Variants in AK2 observed in about 807,000 individuals in gnomAD.
The protein encoded by AK2 is adenylate kinase 2.
A neutral mutation model predicts 24.6 loss-of-function variants in AK2; 15 were observed. That is an observed-to-expected ratio of 0.61 (90% CI 0.41 to 0.94). The LOEUF is 0.94. Among genes scored for constraint, AK2 ranks in the 40% least tolerant of loss-of-function variants. The pLI is 0.00. For synonymous variants in AK2, 102 were observed against 114.0 expected (o/e 0.90, Z 0.67); for missense variants, 257 against 304.1 (o/e 0.85, Z 1.15).
In AK2 at chr1:33,024,462, T is replaced by C. The variant is rs771799826; in HGVS notation, c.199A>G (p.Thr67Ala). 3.7e-6 allele frequency: 6 copies of C among 1,614,078 alleles called. 1 individual carries two copies. In the Admixed American group the frequency reaches 5.0e-5, roughly 13 times the overall value. The change falls in exon 2 of 6, where the codon ACT becomes GCT. Residue 67 changes from threonine (T) to alanine (A), a missense_variant. Coordinates refer to ENST00000672715, the MANE Select transcript of AK2 (RefSeq NM_001625.4). ...GSELGKKLKATMDAGKLVSDE... is the reference protein window; with the variant it reads ...GSELGKKLKAAMDAGKLVSDE... Reference sequence around the variant, plus strand: ...CCTACCAGTTTCCCAGCATCCATAGTTGCCTTCAGCTTTTTTCCTAGCTCT... The same window carrying C: ...CCTACCAGTTTCCCAGCATCCATAGCTGCCTTCAGCTTTTTTCCTAGCTCT...
chr1:33,024,392 A>G lies in AK2; in HGVS notation c.219+50T>C, dbSNP rs763126014. 3.1e-5 allele frequency: 50 copies of G among 1,610,966 alleles called. No homozygotes were observed. In the Admixed American group the frequency reaches 8.3e-4, roughly 27 times the overall value. ...TGGTGGCTACCATATTGGACAGTGC[A>G]GATCTAGATTCTGAGGAATATCAAC... On this transcript the variant is annotated intron_variant, in intron 2 of 5. Coordinates refer to ENST00000672715, the MANE Select transcript of AK2 (RefSeq NM_001625.4).
chr1:33,023,954 T>G (rs1456072406), intron 2 of AK2, among the ~76,000 whole-genome samples: 5 of 152,148 alleles, frequency 3.3e-5, no homozygotes, highest in Non-Finnish European at 5.9e-5. Flanking sequence ...GTGGATCACC[T>G]GAGGTCAGGA....
chr1:33,028,410 G>A (rs1487338276), intron 1 of AK2, among the ~76,000 whole-genome samples: 1 of 151,812 alleles, frequency 6.6e-6, no homozygotes, highest in African/African-American at 2.4e-5. Context: ...CAGAAGAATC[G>A]CTTAAAACTG....
chr1:33,024,179 G>GA (rs1243035284), intron 2 of AK2: 3 of 449,432 alleles, frequency 6.7e-6, no homozygotes, highest in Admixed American at 3.5e-5. Flanking sequence ...AAAAAAAAAA[G>GA]AAAAAAAATT....
chr1:33,036,670 G>T (rs568451406), intron 1 of AK2, 66 bp downstream of exon 1: 3 of 1,450,246 alleles, frequency 2.1e-6, no homozygotes, highest in Non-Finnish European at 2.8e-6. Context: ...AGGGCTTCTA[G>T]ATCTCCGGCC....
At chr1:33,025,428 T>C (rs771025762) in intron 1 of AK2, among the ~76,000 whole-genome samples, 5 of 152,212 alleles carry the variant, frequency 3.3e-5, no homozygotes, top group Non-Finnish European at 7.3e-5. Context: ...CCTCCTTCCC[T>C]GTCACTAAGT....
In AK2 at chr1:33,011,038, A is replaced by C; in HGVS notation, c.*2143T>G. The C allele has an allele frequency of 1.0e-6, 1 of 985,448 alleles. No individual in the cohort carries two copies. Among genetic ancestry groups the C allele is most frequent in the Non-Finnish European group, 1.2e-6 (1 of 829,930 alleles). The allele number at this position is 985,448 out of a possible 1,614,324, so 61.0% of individuals were successfully genotyped here. ...GAATCCTAACCATACTGAGAAGGGT[A>C]TATGCATTCCCTATGAATCTTCCAG... On this transcript the variant is annotated 3_prime_UTR_variant, in exon 6 of 6. Transcript: ENST00000672715.
At position 33,020,228 on chromosome 1, in the gene AK2, C is replaced by CACAA. The variant is rs3222631; in HGVS notation, c.425+1138_425+1139insTTGT. ...ACACACACACACACACACACACACACAAAGTGGCTGTACTATGAGCAAATT... is the reference window on the plus strand; with the variant it reads ...ACACACACACACACACACACACACACACAAAAAGTGGCTGTACTATGAGCAAATT... On this transcript the variant is annotated intron_variant, in intron 4 of 5. Coordinates refer to ENST00000672715, the MANE Select transcript of AK2 (RefSeq NM_001625.4). 121 of 1,064,368 alleles carry CACAA rather than the reference C, an allele frequency of 1.1e-4. 1 individual carries two copies. The African/African-American group carries it at 1.7e-3, about 15-fold the overall frequency. The allele number at this position is 1,064,368 out of a possible 1,614,324, so 65.9% of individuals were successfully genotyped here.
At position 33,011,043 on chromosome 1, in the gene AK2, C is replaced by T. The variant is rs1174153945; in HGVS notation, c.*2138G>A. On this transcript the variant is annotated 3_prime_UTR_variant, in exon 6 of 6. Transcript: ENST00000672715. ...CTAACCATACTGAGAAGGGTATATG[C>T]ATTCCCTATGAATCTTCCAGTTCTT... is the stretch of plus-strand genomic sequence containing the variant. 1.7e-5 allele frequency: 17 copies of T among 985,258 alleles called. No homozygotes were observed. The highest frequency in any genetic ancestry group is 2.0e-5 in the Non-Finnish European group (17 of 829,884). The allele number at this position is 985,258 out of a possible 1,614,324, so 61.0% of individuals were successfully genotyped here. A position where few individuals can be genotyped will look rare whatever the true frequency, so the allele number is the denominator to read the frequency against.
chr1:33,010,840 T>C lies in AK2; in HGVS notation c.*2341A>G, dbSNP rs905892474. 8 of 1,453,892 alleles carry C rather than the reference T, an allele frequency of 5.5e-6. No homozygotes were observed. The African/African-American group carries it at 1.1e-4, about 19-fold the overall frequency. 90.1% of individuals were successfully genotyped at this position (1,453,892 alleles called of 1,614,324 possible). A position where few individuals can be genotyped will look rare whatever the true frequency, so the allele number is the denominator to read the frequency against. ...CTGGCCTTCTGATACTAGGCTGAAA[T>C]AGAGAGGAAACAAGAGAGAACAAAA... On this transcript the variant is annotated 3_prime_UTR_variant, in exon 6 of 6. Coordinates refer to ENST00000672715, the MANE Select transcript of AK2 (RefSeq NM_001625.4).
rs1014166002 is a variant in AK2, at chr1:33,008,428, G to T, written c.*4753C>A. On this transcript the variant is annotated 3_prime_UTR_variant, in exon 6 of 6. Coordinates refer to ENST00000672715, the MANE Select transcript of AK2 (RefSeq NM_001625.4). ...TCAGTGACACTTTGTGCACACAGGA[G>T]ATCCTAAGACACATACCCTAGGCCC... The T allele has an allele frequency of 8.8e-6, 4 of 454,088 alleles. No homozygotes were observed. The highest frequency in any genetic ancestry group is 4.7e-5 in the South Asian group (3 of 64,478). The allele number at this position is 454,088 out of a possible 1,614,324, so 28.1% of individuals were successfully genotyped here.
chr1:33,028,244 C>T (rs1236727597), intron 1 of AK2, among the ~76,000 whole-genome samples: 1 of 152,184 alleles, frequency 6.6e-6, no homozygotes, highest in Non-Finnish European at 1.5e-5. Flanking sequence ...TGGCTCACGC[C>T]TGTAATCCCA....
intron 2 of AK2, among the ~76,000 whole-genome samples, chr1:33,022,966 A>C (rs1185243886): frequency 1.3e-5 from 2 of 152,202 alleles, no homozygotes; most frequent in Non-Finnish European, 2.9e-5. Context: ...TTTGACTCAG[A>C]GATTCAATTA....
At position 33,008,859 on chromosome 1, in the gene AK2, A is replaced by G. The variant is rs1638633147; in HGVS notation, c.*4322T>C. 1.1e-5 allele frequency: 5 copies of G among 454,136 alleles called. No individual in the cohort carries two copies. Among genetic ancestry groups the G allele is most frequent in the Middle Eastern group, 6.9e-4 (1 of 1,444 alleles). 28.1% of individuals were successfully genotyped at this position (454,136 alleles called of 1,614,324 possible). ...GATTAGATGAGGAAACCCAGGCCCA[A>G]AGAAGCAAACAAACAATAGCTCACC... On this transcript the variant is annotated 3_prime_UTR_variant, in exon 6 of 6. Coordinates refer to ENST00000672715, the MANE Select transcript of AK2 (RefSeq NM_001625.4).
downstream of AK2, chr1:33,007,964 G>A (rs149914237): frequency 1.1e-4 from 51 of 452,154 alleles, no homozygotes; most frequent in East Asian, 3.0e-3. Flanking sequence ...GAGAATAAAT[G>A]AGATAATGCA....
chr1:33,013,236 C>T lies in AK2; in HGVS notation c.665G>A (p.Ser222Asn), dbSNP rs933792503. The T allele has an allele frequency of 3.1e-6, 5 of 1,613,874 alleles. No homozygotes were observed. The highest frequency in any genetic ancestry group is 4.2e-6 in the Non-Finnish European group (5 of 1,179,754). ...GGCTTTGGAGAAGGCTGCTAGGATG[C>T]TTGCGAACACGACATCGGGGGTCTG... ...ASQTPDVVFA[S>N]ILAAFSKATC... is the part of the protein sequence containing the mutation. Residue 222 changes from serine (S) to asparagine (N), a missense_variant, in exon 6 of 6, where the codon AGC (serine) becomes AAC (asparagine). Coordinates refer to ENST00000672715, the MANE Select transcript of AK2 (RefSeq NM_001625.4).
chr1:33,011,632 T>C lies in AK2; in HGVS notation c.*1549A>G, dbSNP rs899021523. On this transcript the variant is annotated 3_prime_UTR_variant, in exon 6 of 6. Transcript: ENST00000672715. Reference sequence around the variant, plus strand: ...TGCTGAGGCTGGCGATATTATTTACTGGATCTGCCACTGACTTTCTAATGG... The same window carrying C: ...TGCTGAGGCTGGCGATATTATTTACCGGATCTGCCACTGACTTTCTAATGG... The C allele has an allele frequency of 1.2e-5, 15 of 1,291,260 alleles. No individual in the cohort carries two copies. The Admixed American group carries it at 1.8e-4, about 16-fold the overall frequency. The allele number at this position is 1,291,260 out of a possible 1,614,324, so 80.0% of individuals were successfully genotyped here. A position where few individuals can be genotyped will look rare whatever the true frequency, so the allele number is the denominator to read the frequency against.
chr1:33,016,793 C>A (rs905592546), intron 4 of AK2, among the ~76,000 whole-genome samples: 4 of 151,180 alleles, frequency 2.6e-5, no homozygotes, highest in African/African-American at 9.7e-5. Flanking sequence ...GCAACCTCTG[C>A]CTCCCAGGTT....
intron 1 of AK2, among the ~76,000 whole-genome samples, chr1:33,027,288 G>C (rs1199272873): frequency 6.6e-6 from 1 of 152,144 alleles, no homozygotes; most frequent in East Asian, 1.9e-4. Flanking sequence ...TGGAGGTCAG[G>C]CTTGCTCAAG....
Sources: gnomAD v4.1 joint callset for allele counts (sites outside exome capture counted in the v4.1 genomes callset) on GRCh38, gnomAD v4.1.1 for gene constraint, MANE v1.5 for transcripts, NCBI Gene and HGNC (gene_info 2026-07-23, HGNC 2026-07-21) for gene names.